Variants in ZNF571 observed in about 807,000 individuals in gnomAD.
ZNF571 encodes zinc finger protein 571.
ZNF571 carries 4 observed loss-of-function variants against 7.7 expected under a neutral mutation model. That is an observed-to-expected ratio of 0.52 (90% CI 0.25 to 1.18). The LOEUF is 1.18. ZNF571 is among the 50% of genes most tolerant of loss of function. The probability of loss-of-function intolerance (pLI) is 0.14; values close to 1 mark genes in which losing one functional copy is unlikely to be tolerated. For missense variants in ZNF571, 704 were observed against 726.9 expected (o/e 0.97, Z 0.36); for synonymous variants, 251 against 232.4 (o/e 1.08, Z -0.73).
At chr19:37,566,337 G>T in intron 3 of ZNF571, 46 bp from the exon 4 acceptor site, 1 of 1,541,048 alleles carries the variant, frequency 6.5e-7, no homozygotes. Flanking sequence ...TTTACAAGGA[G>T]AAATAAAAAT....
At chr19:37,591,559 C>T (rs969029622) in intron 1 of ZNF571, among the ~76,000 whole-genome samples, 26 of 152,248 alleles carry the variant, frequency 1.7e-4, no homozygotes, top group African/African-American at 6.0e-4. Flanking sequence ...ATTTATTTAT[C>T]TTGAGATGGA....
At chr19:37,576,948 T>C (rs1307865284) in intron 3 of ZNF571, among the ~76,000 whole-genome samples, 1 of 152,098 alleles carries the variant, frequency 6.6e-6, no homozygotes, top group Admixed American at 6.5e-5. Flanking sequence ...TAAACCTCAC[T>C]ATCTCTTGCT....
chr19:37,582,419 A>G (rs898672787), intron 3 of ZNF571, among the ~76,000 whole-genome samples: 6 of 152,186 alleles, frequency 3.9e-5, no homozygotes, highest in Non-Finnish European at 7.3e-5. Flanking sequence ...TACTCAGGTT[A>G]GTCCTCAATT....
intron 1 of ZNF571, among the ~76,000 whole-genome samples, chr19:37,591,589 G>A (rs1018466933): frequency 6.6e-6 from 1 of 152,208 alleles, no homozygotes; most frequent in Non-Finnish European, 1.5e-5. Context: ...TTGTTGCCCA[G>A]GCTGTAGTGC....
In ZNF571 at chr19:37,564,739, A is replaced by C. The variant is rs766394562; in HGVS notation, c.1689T>G (p.Cys563Trp). Residue 563 changes from cysteine to tryptophan, a missense_variant, in exon 4 of 4, where the codon TGT (cysteine) becomes TGG (tryptophan). Coordinates refer to ENST00000451802, the MANE Select transcript of ZNF571 (RefSeq NM_016536.5). ...TGEKPYECKE[C>W]GRAFSRGSEL... ...CTGAGCCACGACTAAAGGCCCTCCC[A>C]CATTCCTTACATTCATAGGGTTTCT... The C allele has an allele frequency of 1.2e-6, 2 of 1,613,628 alleles. No individual in the cohort carries two copies. The highest frequency in any genetic ancestry group is 2.2e-5 in the South Asian group (2 of 91,070).
intron 3 of ZNF571, among the ~76,000 whole-genome samples, chr19:37,581,498 C>T (rs1160631338): frequency 6.8e-6 from 1 of 146,472 alleles, no homozygotes; most frequent in Non-Finnish European, 1.5e-5. Flanking sequence ...CATGGTCTTG[C>T]TCTGTCGCCC....
In ZNF571 at chr19:37,565,210, A is replaced by G. The variant is rs749817273; in HGVS notation, c.1218T>C (p.Leu406=). The G allele has an allele frequency of 2.0e-5, 33 of 1,613,486 alleles. No individual in the cohort carries two copies. The highest frequency in any genetic ancestry group is 2.6e-5 in the Non-Finnish European group (31 of 1,179,848). ...CGKAFISNSN[L]IQHQRIHTGE... ...CGGTATGAATTCTTTGATGTTGAAT[A>G]AGATTAGAATTAGAAATAAAGGCTT... The change falls in exon 4 of 4, where the codon CTT becomes CTC. Residue 406 remains leucine (L), a synonymous_variant. Coordinates refer to ENST00000451802, the MANE Select transcript of ZNF571 (RefSeq NM_016536.5).
At position 37,566,164 on chromosome 19, in the gene ZNF571, G is replaced by A; in HGVS notation, c.264C>T (p.Asp88=). 6.2e-7 allele frequency: 1 copy of A among 1,613,900 alleles called. No homozygotes were observed. The highest frequency in any genetic ancestry group is 1.3e-5 in the African/African-American group (1 of 74,984). The change falls in exon 4 of 4, where the codon GAC becomes GAT. Residue 88 remains aspartate (D), a synonymous_variant. Transcript: ENST00000451802. The part of the protein sequence containing the change: ...NHHLQYNGLG[D]NMECKGNLEG... ...CTAAGTTGCCTTTGCACTCCATATT[G>A]TCTCCAAGACCATTGTATTGAAGGT...
chr19:37,577,635 T>C (rs1023636648), intron 3 of ZNF571, among the ~76,000 whole-genome samples: 2 of 152,166 alleles, frequency 1.3e-5, no homozygotes, highest in African/African-American at 4.8e-5. Flanking sequence ...CTCATATATG[T>C]AGCAAAATAG....
intron 3 of ZNF571, among the ~76,000 whole-genome samples, chr19:37,568,059 T>C (rs973707516): frequency 1.3e-5 from 2 of 152,202 alleles, no homozygotes; most frequent in Non-Finnish European, 2.9e-5. Context: ...GATCTTATAT[T>C]ATTCCGAAGA....
intron 3 of ZNF571, among the ~76,000 whole-genome samples, chr19:37,574,107 C>T (rs533189308): frequency 2.0e-5 from 3 of 152,224 alleles, no homozygotes; most frequent in African/African-American, 7.2e-5. Flanking sequence ...GAAAAATATT[C>T]TAGAAAACTA....
chr19:37,588,958 G>GA (rs2043777884), intron 1 of ZNF571, among the ~76,000 whole-genome samples: 1 of 152,016 alleles, frequency 6.6e-6, no homozygotes, highest in African/African-American at 2.4e-5. Flanking sequence ...CCAGCACTTT[G>GA]GGAGGCTGAG....
intron 3 of ZNF571, among the ~76,000 whole-genome samples, chr19:37,583,057 T>G (rs994955513): frequency 2.6e-5 from 4 of 152,202 alleles, no homozygotes. Context: ...CCACTTTCAG[T>G]AGCCACACTG....
intron 3 of ZNF571, among the ~76,000 whole-genome samples, chr19:37,579,315 G>GCCCCA (rs1256004847): frequency 1.3e-5 from 2 of 152,146 alleles, no homozygotes; most frequent in Non-Finnish European, 2.9e-5. Flanking sequence ...GGAACTACTT[G>GCCCCA]CCCCATTCCA....
At position 37,586,678 on chromosome 19, in the gene ZNF571, GT is replaced by G; in HGVS notation, c.-3del. On this transcript the variant is annotated 5_prime_UTR_variant, in exon 2 of 4. Coordinates refer to ENST00000451802, the MANE Select transcript of ZNF571 (RefSeq NM_016536.5). ...GAAACAGCAACTCACGTGGGGCATGGTTTTTTAGAACTGATCAATTTTCTGG... is the reference window on the plus strand; with the variant it reads ...GAAACAGCAACTCACGTGGGGCATGGTTTTTAGAACTGATCAATTTTCTGG... 1 of 1,614,044 alleles carries G rather than the reference GT, an allele frequency of 6.2e-7. No homozygotes were observed. Among genetic ancestry groups the G allele is most frequent in the African/African-American group, 1.3e-5 (1 of 75,024 alleles).
chr19:37,566,050 A>T lies in ZNF571; in HGVS notation c.378T>A (p.Ser126=), dbSNP rs1568342097. The T allele has an allele frequency of 6.2e-7, 1 of 1,614,126 alleles. No individual in the cohort carries two copies. Among genetic ancestry groups the T allele is most frequent in the Non-Finnish European group, 8.5e-7 (1 of 1,179,960 alleles). Residue 126 remains serine, a synonymous_variant, in exon 4 of 4, where the codon TCT becomes TCA. Coordinates refer to ENST00000451802, the MANE Select transcript of ZNF571 (RefSeq NM_016536.5). ...EKATESHSTS[S]TFHRIIPTKE... ...TGGTAGGAATTATCCGATGAAAAGT[A>T]GAAGAGGTTGAATGACTTTCAGTGG...
In ZNF571 at chr19:37,565,467, G is replaced by A; in HGVS notation, c.961C>T (p.His321Tyr). The change falls in exon 4 of 4, where the codon CAC becomes TAC. Residue 321 changes from histidine (H) to tyrosine (Y), a missense_variant. Coordinates refer to ENST00000451802, the MANE Select transcript of ZNF571 (RefSeq NM_016536.5). ...ECGKAFILGS[H>Y]LTYHQRVHTG... ...TGAACTCTCTGATGGTATGTAAGGT[G>A]TGAACCAAGAATAAAGGCCTTTCCA... The A allele has an allele frequency of 6.2e-7, 1 of 1,612,274 alleles. No homozygotes were observed. The highest frequency in any genetic ancestry group is 8.5e-7 in the Non-Finnish European group (1 of 1,179,410).
chr19:37,586,584 G>A, intron 2 of ZNF571, 84 bp downstream of exon 2: 2 of 1,542,812 alleles, frequency 1.3e-6, no homozygotes, highest in South Asian at 2.3e-5. Flanking sequence ...AACCAAACAA[G>A]GCAGGAAATT....
At chr19:37,579,042 C>A (rs968396437) in intron 3 of ZNF571, among the ~76,000 whole-genome samples, 4 of 152,206 alleles carry the variant, frequency 2.6e-5, no homozygotes, top group African/African-American at 9.6e-5. Context: ...CCGCCCTGCC[C>A]CCACCTGAAC....
Sources: gnomAD v4.1 joint callset for allele counts (sites outside exome capture counted in the v4.1 genomes callset) on GRCh38, gnomAD v4.1.1 for gene constraint, MANE v1.5 for transcripts, NCBI Gene and HGNC (gene_info 2026-07-23, HGNC 2026-07-21) for gene names.